RFX7: variants seen among roughly 807,000 people sequenced by gnomAD.
RFX7 encodes regulatory factor X7.
A neutral mutation model predicts 111.8 loss-of-function variants in RFX7; 26 were observed. That is an observed-to-expected ratio of 0.23 (90% CI 0.17 to 0.32). The LOEUF (loss-of-function observed/expected upper bound fraction) is 0.32, where lower values mean the gene tolerates loss of function less well. Ranked by LOEUF, RFX7 falls within the 10% of genes least tolerant of loss-of-function variation. RFX7 has a pLI of 1.00. For synonymous variants in RFX7, 624 were observed against 624.4 expected (o/e 1.00, Z 0.01); for missense variants, 1,573 against 1,772.9 (o/e 0.89, Z 2.02).
At chr15:56,120,219 C>T (rs1416371837) in intron 5 of RFX7, among the ~76,000 whole-genome samples, 3 of 152,126 alleles carry the variant, frequency 2.0e-5, no homozygotes, top group Non-Finnish European at 4.4e-5. Flanking sequence ...TCTTTCACTT[C>T]TTTAAGTACA....
chr15:56,189,393 A>G (rs2043077723), intron 2 of RFX7, among the ~76,000 whole-genome samples: 3 of 152,184 alleles, frequency 2.0e-5, no homozygotes, highest in African/African-American at 4.8e-5. Context: ...AAATAAAAAT[A>G]AATCAGACCC....
At chr15:56,243,968 GGGATGGGGGCGCACGGCGC>G (rs1184707931), upstream of RFX7, 6 of 150,060 alleles carry the variant, frequency 4.0e-5, no homozygotes, top group Non-Finnish European at 5.9e-5. Flanking sequence ...GCGACGGGCC[GGGATGGGGGCGCACGGCGC>G]GGAGGGCGGC....
At chr15:56,219,865 T>G (rs1404135880) in intron 2 of RFX7, among the ~76,000 whole-genome samples, 1 of 152,240 alleles carries the variant, frequency 6.6e-6, no homozygotes, top group African/African-American at 2.4e-5. Context: ...TGATTTCTAT[T>G]TCTTTGGGTA....
rs533654461 is a variant in RFX7 at position 56,142,059 on chromosome 15, C to A, written c.401+719G>T. ...TTGCCCCAAATTTGTAAGTACAACA[C>A]ATTAATTCTTGTTGGTCTGACCTTT... On this transcript the variant is annotated intron_variant, in intron 5 of 9. Transcript: ENST00000559447. Among the ~76,000 whole-genome samples the A allele has an allele frequency of 2.6e-5, 4 of 152,242 alleles. No homozygotes were observed. The South Asian group carries it at 8.3e-4, about 32-fold the overall frequency.
intron 2 of RFX7, among the ~76,000 whole-genome samples, chr15:56,185,244 T>A (rs541535992): frequency 1.6e-4 from 24 of 152,186 alleles, no homozygotes; most frequent in Non-Finnish European, 3.2e-4. Context: ...TTTTAAACTA[T>A]CTACTACTCA....
Position 56,095,481 on chromosome 15 carries a change from G to C in RFX7, c.2247C>G (p.Thr749=), listed in dbSNP as rs866685858. Residue 749 remains threonine, a synonymous_variant, in exon 10 of 10, where the codon ACC becomes ACG. Transcript: ENST00000559447. Reference sequence around the variant, plus strand: ...CTTTTATATCTGGAGATGATGATGGGGTTGTTTGCTGTTCCAAAGCTGAAT... The same window carrying C: ...CTTTTATATCTGGAGATGATGATGGCGTTGTTTGCTGTTCCAAAGCTGAAT... ...ISDSALEQQT[T]PSSSPDIKVK... is the part of the protein sequence containing the mutation. 6.2e-7 allele frequency: 1 copy of C among 1,612,522 alleles called. No homozygotes were observed.
chr15:56,216,977 AT>A (rs1389064696), intron 2 of RFX7, among the ~76,000 whole-genome samples: 1 of 152,170 alleles, frequency 6.6e-6, no homozygotes, highest in Non-Finnish European at 1.5e-5. Context: ...TTGGAGGTAT[AT>A]TTTTAATTGC....
intron 3 of RFX7, among the ~76,000 whole-genome samples, chr15:56,167,027 T>C (rs1374447908): frequency 2.0e-5 from 3 of 152,208 alleles, no homozygotes; most frequent in African/African-American, 7.2e-5. Context: ...ACTAGGCCTT[T>C]TGTACACCAC....
intron 3 of RFX7, among the ~76,000 whole-genome samples, chr15:56,167,652 C>CA (rs1359590959): frequency 6.6e-6 from 1 of 152,084 alleles, no homozygotes; most frequent in Non-Finnish European, 1.5e-5. Flanking sequence ...AAAACATTAA[C>CA]AAAAAAATCT....
Position 56,200,443 on chromosome 15 carries a change from GA to G in RFX7, c.162-21141del, listed in dbSNP as rs745674364. ...TAACATCACTGGATTGCACAGTGGG[GA>G]AAACAACTCTTCTTCTCCTACTGCA... On this transcript the variant is annotated intron_variant, in intron 2 of 9. Coordinates refer to ENST00000559447, the MANE Select transcript of RFX7 (RefSeq NM_022841.7). Among the ~76,000 whole-genome samples, 4 of 152,252 alleles carry G rather than the reference GA, an allele frequency of 2.6e-5. No homozygotes were observed. In the Middle Eastern group the frequency reaches 0.01, roughly 388 times the overall value.
Position 56,144,401 on chromosome 15 carries a change from CT to C in RFX7, c.277del (p.Ser93ValfsTer24). 1 of 1,352,688 alleles carries C rather than the reference CT, an allele frequency of 7.4e-7. No individual in the cohort carries two copies. Among genetic ancestry groups the C allele is most frequent in the Non-Finnish European group, 9.9e-7 (1 of 1,008,792 alleles). 83.8% of individuals were successfully genotyped at this position (1,352,688 alleles called of 1,614,324 possible). Reference sequence around the variant, plus strand: ...ATAGCAAAGACAAGAATAGATATACCTTTTCTCTCCATTGCTGAGACCAGAA... The same window carrying C: ...ATAGCAAAGACAAGAATAGATATACCTTTCTCTCCATTGCTGAGACCAGAA... Reference protein sequence around the residue: ...LPSGLSNGEKSDQNAMSSSRA... With the variant: ...LPSGLSNGEKXDQNAMSSSRA... On this transcript the variant is annotated frameshift_variant and splice_region_variant, in exon 4 of 10. Coordinates refer to ENST00000559447, the MANE Select transcript of RFX7 (RefSeq NM_022841.7). LOFTEE classifies it high-confidence loss of function.
At chr15:56,134,322 G>T (rs867089121) in intron 5 of RFX7, among the ~76,000 whole-genome samples, 2 of 152,046 alleles carry the variant, frequency 1.3e-5, no homozygotes, top group Non-Finnish European at 2.9e-5. Flanking sequence ...ATCAGGTTCC[G>T]CTCTAATCAC....
At chr15:56,142,746 T>C (rs373397340) in intron 5 of RFX7, 32 bp downstream of exon 5, 34 of 1,596,920 alleles carry the variant, frequency 2.1e-5, no homozygotes, top group African/African-American at 1.9e-4. Context: ...CTCTTTAATA[T>C]ATCAGCATGC....
intron 5 of RFX7, among the ~76,000 whole-genome samples, chr15:56,104,803 T>G (rs60032243): frequency 1.7e-4 from 1 of 5,938 alleles, no homozygotes; most frequent in African/African-American, 2.0e-4. Flanking sequence ...ACCCCTGGGG[T>G]TAAAAGATGG....
intron 5 of RFX7, among the ~76,000 whole-genome samples, chr15:56,115,865 C>T (rs2042002764): frequency 2.0e-5 from 3 of 151,660 alleles, no homozygotes; most frequent in South Asian, 4.2e-4. Flanking sequence ...TGGTGTGAAC[C>T]TGGGAGGCAG....
chr15:56,169,278 C>G (rs558766415), intron 3 of RFX7, among the ~76,000 whole-genome samples: 90 of 152,308 alleles, frequency 5.9e-4, no homozygotes, highest in African/African-American at 2.1e-3. Flanking sequence ...CTTCCACCTG[C>G]TTATGTTTAA....
chr15:56,218,123 A>C (rs1221124741), intron 2 of RFX7, among the ~76,000 whole-genome samples: 3 of 150,668 alleles, frequency 2.0e-5, no homozygotes, highest in Non-Finnish European at 4.4e-5. Flanking sequence ...TAGGTATTAC[A>C]AGTAATTTAG....
chr15:56,221,350 G>A (rs575864694), intron 2 of RFX7, among the ~76,000 whole-genome samples: 40 of 152,112 alleles, frequency 2.6e-4, no homozygotes, highest in African/African-American at 8.7e-4. Context: ...CTATGATTTC[G>A]TTCAGCAGTG....
rs11336124 is a variant in RFX7 at position 56,103,129 on chromosome 15, ATTTTTTTTTT to A, written c.518+415_518+424del. On this transcript the variant is annotated intron_variant, in intron 6 of 9. Coordinates refer to ENST00000559447, the MANE Select transcript of RFX7 (RefSeq NM_022841.7). ...AGTGTTTCTGTTAAAGTTCCATAAG[ATTTTTTTTTT>A]TTTTTTTTTTTTTTGCCAAGGAGAT... 3.5e-4 allele frequency among the ~76,000 whole-genome samples: 33 copies of A among 94,452 alleles called. No homozygotes were observed. In the East Asian group the frequency reaches 8.4e-3, roughly 24 times the overall value. 62.0% of individuals were successfully genotyped at this position (94,452 alleles called of 152,430 possible).
Sources: allele counts gnomAD v4.1 joint callset (sites outside exome capture counted in the v4.1 genomes callset), GRCh38; gene constraint gnomAD v4.1.1; transcripts MANE v1.5; gene names NCBI Gene and HGNC (gene_info 2026-07-23, HGNC 2026-07-21).